Variants in PCDHGB6 observed in about 807,000 individuals in gnomAD.
PCDHGB6 encodes protocadherin gamma-B6.
PCDHGB6 carries 51 observed loss-of-function variants against 59.1 expected under a neutral mutation model. The ratio of observed to expected loss-of-function variants is 0.86; its 90% CI spans 0.69 to 1.09. The LOEUF (loss-of-function observed/expected upper bound fraction) is 1.09, where lower values mean the gene tolerates loss of function less well. Among genes scored for constraint, PCDHGB6 ranks in the 50% least tolerant of loss-of-function variants. The probability of loss-of-function intolerance (pLI) is 0.00; values close to 1 mark genes in which losing one functional copy is unlikely to be tolerated. For synonymous variants in PCDHGB6, 466 were observed against 495.1 expected (o/e 0.94, Z 0.78); for missense variants, 1,148 against 1,205.1 (o/e 0.95, Z 0.70).
chr5:141,428,040 G>T, intron 1 of PCDHGB6: 1 of 1,608,668 alleles, frequency 6.2e-7, no homozygotes, highest in Non-Finnish European at 8.5e-7. Flanking sequence ...CGGCTACCTG[G>T]TGACCAAGGT....
At position 141,477,572 on chromosome 5, in the gene PCDHGB6, G is replaced by A. The variant is rs375416133; in HGVS notation, c.2419-17235G>A. The A allele has an allele frequency of 6.2e-7, 1 of 1,614,112 alleles. No homozygotes were observed. The highest frequency in any genetic ancestry group is 8.5e-7 in the Non-Finnish European group (1 of 1,180,030). On this transcript the variant is annotated intron_variant, in intron 1 of 3. Coordinates refer to ENST00000520790, the MANE Select transcript of PCDHGB6 (RefSeq NM_018926.3). This position sits in a 1 kb window ranked among gnomAD's most constrained non-coding sequence, Gnocchi z 4.9. ...AAACCTAAGTGTCTGGGACCCCGAC[G>A]CCCCGCAGAATGCTCGGCTTTCTTT...
chr5:141,418,906 C>T, intron 1 of PCDHGB6: 1 of 1,613,908 alleles, frequency 6.2e-7, no homozygotes, highest in Non-Finnish European at 8.5e-7. Flanking sequence ...AAATAATCAT[C>T]ACGTCACTCT....
At chr5:141,421,185 C>T in intron 1 of PCDHGB6, 1 of 1,463,494 alleles carries the variant, frequency 6.8e-7, no homozygotes, top group Non-Finnish European at 9.1e-7. Flanking sequence ...GATTCACAAC[C>T]AACCAGCTCG....
intron 1 of PCDHGB6, chr5:141,421,214 G>T (rs1469085534): frequency 5.1e-6 from 8 of 1,561,612 alleles, no homozygotes; most frequent in Non-Finnish European, 6.9e-6. Flanking sequence ...CGGAATATCG[G>T]CTTAGAGCCT....
At chr5:141,444,152 A>ATTTTTTTTTTTTTTTTT (rs747671382) in intron 1 of PCDHGB6, among the ~76,000 whole-genome samples, 1 of 33,898 alleles carries the variant, frequency 3.0e-5, no homozygotes, top group African/African-American at 1.4e-4. Context: ...TGTGTACTGG[A>ATTTTTTTTTTTTTTTTT]TTTTTTTTTT....
chr5:141,423,671 T>C (rs773279181), intron 1 of PCDHGB6: 7 of 1,550,720 alleles, frequency 4.5e-6, no homozygotes, highest in Non-Finnish European at 5.2e-6. Context: ...GTGAGATTTA[T>C]TTCTCTGCCT....
chr5:141,447,208 C>T (rs1226099966), intron 1 of PCDHGB6, among the ~76,000 whole-genome samples: 1 of 152,078 alleles, frequency 6.6e-6, no homozygotes, highest in Non-Finnish European at 1.5e-5. Flanking sequence ...GGCTTGATCT[C>T]GGCTCACTGC....
chr5:141,434,650 C>A (rs931043426), intron 1 of PCDHGB6, among the ~76,000 whole-genome samples: 6 of 152,092 alleles, frequency 3.9e-5, no homozygotes, highest in Non-Finnish European at 5.9e-5. Context: ...TTTAGTTAAT[C>A]TAATATCTAT....
chr5:141,408,072 T>G lies in PCDHGB6; in HGVS notation c.-131T>G, dbSNP rs1047187961. 1.7e-5 allele frequency: 24 copies of G among 1,388,622 alleles called. No homozygotes were observed. Among genetic ancestry groups the G allele is most frequent in the Middle Eastern group, 2.6e-4 (1 of 3,882 alleles). 86.0% of individuals were successfully genotyped at this position (1,388,622 alleles called of 1,614,324 possible). On this transcript the variant is annotated 5_prime_UTR_variant, in exon 1 of 4. Coordinates refer to ENST00000520790, the MANE Select transcript of PCDHGB6 (RefSeq NM_018926.3). ...AGAGCCTCCCGGCTGCGCAGACCTTTCCCAGCACAGCGGATTGCCAGCTCC... is the reference window on the plus strand; with the variant it reads ...AGAGCCTCCCGGCTGCGCAGACCTTGCCCAGCACAGCGGATTGCCAGCTCC...
chr5:141,416,650 A>G (rs935670434), intron 1 of PCDHGB6: 2 of 152,238 alleles, frequency 1.3e-5, no homozygotes, highest in Admixed American at 6.5e-5. Context: ...CCACAGCTGT[A>G]AAAAAGAAAA....
At chr5:141,488,478 A>T (rs1251914951) in intron 1 of PCDHGB6, among the ~76,000 whole-genome samples, 5 of 152,072 alleles carry the variant, frequency 3.3e-5, no homozygotes, top group African/African-American at 4.8e-5. Flanking sequence ...ATGTTCCCCT[A>T]CCCAAAAACT....
At position 141,409,181 on chromosome 5, in the gene PCDHGB6, C is replaced by T. The variant is rs1280456560; in HGVS notation, c.979C>T (p.Leu327Phe). 2 of 1,613,992 alleles carry T rather than the reference C, an allele frequency of 1.2e-6. No homozygotes were observed. Among genetic ancestry groups the T allele is most frequent in the Non-Finnish European group, 1.7e-6 (2 of 1,179,894 alleles). ...MEVEAKDGGG[L>F]STQCKVIIEI... Reference sequence around the variant, plus strand: ...AGTGGAAGCGAAGGACGGAGGTGGTCTCTCTACCCAGTGTAAAGTAATCAT... The same window carrying T: ...AGTGGAAGCGAAGGACGGAGGTGGTTTCTCTACCCAGTGTAAAGTAATCAT... The change falls in exon 1 of 4, where the codon CTC becomes TTC. Residue 327 changes from leucine to phenylalanine, a missense_variant. Around this residue, in one of 5 missense-constraint regions of PCDHGB6, gnomAD observed 549 missense variants for 527.5 expected, o/e 1.04. Transcript: ENST00000520790.
At position 141,431,495 on chromosome 5, in the gene PCDHGB6, G is replaced by A. The variant is rs557611439; in HGVS notation, c.2418+20875G>A. The A allele has an allele frequency of 4.3e-6, 7 of 1,613,864 alleles. No homozygotes were observed. The highest frequency in any genetic ancestry group is 1.1e-5 in the South Asian group (1 of 91,092). On this transcript the variant is annotated intron_variant, in intron 1 of 3. Coordinates refer to ENST00000520790, the MANE Select transcript of PCDHGB6 (RefSeq NM_018926.3). This position sits in a 1 kb window ranked among gnomAD's most constrained non-coding sequence, Gnocchi z 4.8. ...CAACGCACCAGCGTTTGCTCAGCCC[G>A]AGTACCGCGCGAGCGTTCCGGAGAA...
rs754225999 is a variant in PCDHGB6, at chr5:141,489,509, T to C, written c.2419-5298T>C. The C allele has an allele frequency of 1.2e-6, 2 of 1,614,062 alleles. No homozygotes were observed. The highest frequency in any genetic ancestry group is 1.1e-5 in the South Asian group (1 of 91,074). On this transcript the variant is annotated intron_variant, in intron 1 of 3. Coordinates refer to ENST00000520790, the MANE Select transcript of PCDHGB6 (RefSeq NM_018926.3). The surrounding 1 kb of genome is among the most constrained non-coding windows in gnomAD (Gnocchi z 4.5). ...GGTGCCCTGGCAGTGAATCAAAAGA[T>C]TGACCGAGAAAGCCTATGTGGAGCC...
rs143278253 is a variant in PCDHGB6 at position 141,476,491 on chromosome 5, C to T, written c.2419-18316C>T. 9.5e-5 allele frequency: 153 copies of T among 1,613,894 alleles called. No individual in the cohort carries two copies. The highest frequency in any genetic ancestry group is 5.4e-5 in the Non-Finnish European group (64 of 1,180,020). On this transcript the variant is annotated intron_variant, in intron 1 of 3. Transcript: ENST00000520790. This position sits in a 1 kb window ranked among gnomAD's most constrained non-coding sequence, Gnocchi z 7.6. ...AGCTGTTCAGCGTGGAAGTGGTGAT[C>T]CAGGACATCAACGACAACAATCCTG... is the stretch of plus-strand genomic sequence containing the variant.
chr5:141,484,866 C>A (rs1474623432), intron 1 of PCDHGB6: 9 of 275,500 alleles, frequency 3.3e-5, no homozygotes, highest in Non-Finnish European at 5.5e-5. Context: ...GGTGGGGGAG[C>A]GTGGAGGATA....
rs1403789987 is a variant in PCDHGB6 at position 141,511,845 on chromosome 5, T to C, written c.*672T>C. The C allele has an allele frequency of 6.4e-6, 1 of 156,740 alleles. No individual in the cohort carries two copies. The highest frequency in any genetic ancestry group is 1.4e-5 in the Non-Finnish European group (1 of 70,694). 9.7% of individuals were successfully genotyped at this position (156,740 alleles called of 1,614,324 possible). A position where few individuals can be genotyped will look rare whatever the true frequency, so the allele number is the denominator to read the frequency against. On this transcript the variant is annotated 3_prime_UTR_variant, in exon 4 of 4. Transcript: ENST00000520790. ...AACGCCCTGGGGACCAGTCTTCTGT[T>C]TTGTTTTTCATTGTTTGACGTTTCC...
At chr5:141,434,683 T>A (rs1057301534) in intron 1 of PCDHGB6, among the ~76,000 whole-genome samples, 8 of 152,248 alleles carry the variant, frequency 5.3e-5, no homozygotes, top group Non-Finnish European at 5.9e-5. Flanking sequence ...AATGACTGGC[T>A]TGCTGTTAAT....
intron 1 of PCDHGB6, among the ~76,000 whole-genome samples, chr5:141,443,756 A>G (rs1234457212): frequency 6.6e-6 from 1 of 152,232 alleles, no homozygotes; most frequent in Non-Finnish European, 1.5e-5. Flanking sequence ...TTGGAAGCTT[A>G]CAATATACAA....
Sources: allele counts gnomAD v4.1 joint callset (sites outside exome capture counted in the v4.1 genomes callset), GRCh38; gene constraint gnomAD v4.1.1; regional missense constraint gnomAD v4.1.1; non-coding constraint Gnocchi (gnomAD v3.1); transcripts MANE v1.5; gene names NCBI Gene and HGNC (gene_info 2026-07-23, HGNC 2026-07-21).